Variants in PCDHA7 observed in about 807,000 individuals in gnomAD.
PCDHA7 encodes the protein protocadherin alpha 7, also known as protocadherin alpha-7.
PCDHA7 carries 37 observed loss-of-function variants against 57.2 expected under a neutral mutation model. That is an observed-to-expected ratio of 0.65 (90% CI 0.50 to 0.85). The LOEUF (loss-of-function observed/expected upper bound fraction) is 0.85. Among genes scored for constraint, PCDHA7 ranks in the 40% least tolerant of loss-of-function variants. The pLI, the probability that PCDHA7 is intolerant of heterozygous loss-of-function variation, is 0.00. For synonymous variants in PCDHA7, 553 were observed against 558.8 expected (o/e 0.99, Z 0.15); for missense variants, 1,188 against 1,241.8 (o/e 0.96, Z 0.65).
At position 140,937,140 on chromosome 5, in the gene PCDHA7, C is replaced by T. The variant is rs553273845; in HGVS notation, c.2356-41809C>T. Among the ~76,000 whole-genome samples, 820 of 151,358 alleles carry T rather than the reference C, an allele frequency of 5.4e-3. 1 individual carries two copies. The highest frequency in any genetic ancestry group is 0.019 in the African/African-American group (789 of 41,228). On this transcript the variant is annotated intron_variant, in intron 1 of 3. Transcript: ENST00000525929. Reference sequence around the variant, plus strand: ...GCAAGCTCCGCCTCCCGGGTTCATGCCATTCTCCTGCCTCAGCCTCCCGAG... The same window carrying T: ...GCAAGCTCCGCCTCCCGGGTTCATGTCATTCTCCTGCCTCAGCCTCCCGAG...
At position 140,858,257 on chromosome 5, in the gene PCDHA7, C is replaced by G; in HGVS notation, c.2355+21519C>G. ...CGCATGTGGGCCGGTGAAGCCCACGCTGGTGTGCTCTAGCGCGGTGGGGAG... is the reference window on the plus strand; with the variant it reads ...CGCATGTGGGCCGGTGAAGCCCACGGTGGTGTGCTCTAGCGCGGTGGGGAG... On this transcript the variant is annotated intron_variant, in intron 1 of 3. Transcript: ENST00000525929. 2 of 1,596,668 alleles carry G rather than the reference C, an allele frequency of 1.3e-6. 1 individual carries two copies. Among genetic ancestry groups the G allele is most frequent in the Non-Finnish European group, 1.7e-6 (2 of 1,166,542 alleles).
intron 1 of PCDHA7, chr5:140,878,013 G>A (rs1554170262): frequency 2.4e-6 from 2 of 839,000 alleles, no homozygotes; most frequent in South Asian, 2.6e-5. Context: ...TAACATTAAT[G>A]AAGGAAATAT....
chr5:140,913,462 G>A (rs1300773586), intron 1 of PCDHA7, among the ~76,000 whole-genome samples: 1 of 151,764 alleles, frequency 6.6e-6, no homozygotes, highest in African/African-American at 2.4e-5. Context: ...TTATTTACTT[G>A]GGTCTTCTCT....
At chr5:140,876,449 G>T (rs1396307044) in intron 1 of PCDHA7, 1 of 1,613,880 alleles carries the variant, frequency 6.2e-7, no homozygotes, top group Non-Finnish European at 8.5e-7. Context: ...ATTGATAAAG[G>T]GATTCCTTCC....
chr5:140,876,092 A>C, intron 1 of PCDHA7: 2 of 1,613,948 alleles, frequency 1.2e-6, no homozygotes, highest in Non-Finnish European at 1.7e-6. Context: ...CAAACGCCAA[A>C]ACTCAATTTA....
intron 1 of PCDHA7, chr5:140,927,472 G>A (rs201932518): frequency 1.6e-4 from 264 of 1,614,094 alleles, no homozygotes; most frequent in Non-Finnish European, 2.0e-4. Context: ...ACTGGATCGC[G>A]AACAGCGCGC....
chr5:140,876,992 A>T (rs1222630901), intron 1 of PCDHA7: 1 of 1,612,438 alleles, frequency 6.2e-7, no homozygotes, highest in Non-Finnish European at 8.5e-7. Flanking sequence ...CTGTCGAGCT[A>T]CGTGTCGGTG....
chr5:140,869,346 T>C (rs781810947), intron 1 of PCDHA7: 4 of 1,614,054 alleles, frequency 2.5e-6, no homozygotes, highest in Non-Finnish European at 2.5e-6. Context: ...ATCTGCAGAA[T>C]GGCATTTTGT....
intron 1 of PCDHA7, among the ~76,000 whole-genome samples, chr5:140,938,975 C>T (rs1249900927): frequency 6.6e-6 from 1 of 152,188 alleles, no homozygotes; most frequent in African/African-American, 2.4e-5. Flanking sequence ...GGCATCAAGG[C>T]TATCCTGGCT....
chr5:140,962,557 C>A (rs1554226125), intron 1 of PCDHA7, among the ~76,000 whole-genome samples: 2 of 152,112 alleles, frequency 1.3e-5, no homozygotes, highest in Admixed American at 6.6e-5. Flanking sequence ...AGGATCTCCC[C>A]CTAAAAGCCA....
At chr5:140,848,867 G>A in intron 1 of PCDHA7, 1 of 1,590,766 alleles carries the variant, frequency 6.3e-7, no homozygotes, top group Non-Finnish European at 8.6e-7. Context: ...TGGAGGTGAA[G>A]GACATTAACG....
At position 140,851,623 on chromosome 5, in the gene PCDHA7, TA is replaced by T. The variant is rs1286415417; in HGVS notation, c.2355+14888del. 3.6e-5 allele frequency: 33 copies of T among 920,270 alleles called. 3 individuals carry two copies. Among genetic ancestry groups the T allele is most frequent in the Non-Finnish European group, 3.8e-5 (29 of 756,686 alleles). The allele number at this position is 920,270 out of a possible 1,614,324, so 57.0% of individuals were successfully genotyped here. On this transcript the variant is annotated intron_variant, in intron 1 of 3. Transcript: ENST00000525929. ...TACAGAAATTGGAGAAAATGCTTTT[TA>T]AACAAGTGTTTCCTTTCTTCAAGAA... is the stretch of plus-strand genomic sequence containing the variant.
intron 3 of PCDHA7, among the ~76,000 whole-genome samples, chr5:140,996,928 G>A (rs114173550): frequency 6.6e-6 from 1 of 152,032 alleles, no homozygotes; most frequent in African/African-American, 2.4e-5. Flanking sequence ...AAAAAATATA[G>A]CATTTTTGCA....
chr5:140,914,957 T>C (rs1355119889), intron 1 of PCDHA7, among the ~76,000 whole-genome samples: 1 of 150,770 alleles, frequency 6.6e-6, no homozygotes, highest in Non-Finnish European at 1.5e-5. Flanking sequence ...TTTTTTTTTT[T>C]TTTTTCTGAG....
rs371795952 is a variant in PCDHA7 at position 140,857,797 on chromosome 5, G to T, written c.2355+21059G>T. ...CAGTCAGTGAGCTGGTGCTGCGGTC[G>T]GTGGTTGCGGGTCACGTGGTGGCTA... On this transcript the variant is annotated intron_variant, in intron 1 of 3. Transcript: ENST00000525929. 12 of 1,597,706 alleles carry T rather than the reference G, an allele frequency of 7.5e-6. 1 individual carries two copies. In the East Asian group the frequency reaches 1.6e-4, roughly 21 times the overall value.
chr5:141,010,030 C>CTAG lies in PCDHA7; in HGVS notation c.*93_*94insTAG. The stretch of plus-strand genomic sequence containing the variant: ...ATTCCCTGCTCCTTTTTCCTATCTA[C>CTAG]ATGAGCCCTCTTAGAGACCTCAGAA... On this transcript the variant is annotated 3_prime_UTR_variant, in exon 4 of 4. Coordinates refer to ENST00000525929, the MANE Select transcript of PCDHA7 (RefSeq NM_018910.3). 1 of 1,580,910 alleles carries CTAG rather than the reference C, an allele frequency of 6.3e-7. No homozygotes were observed. Among genetic ancestry groups the CTAG allele is most frequent in the Admixed American group, 1.8e-5 (1 of 54,776 alleles).
chr5:140,994,667 T>G (rs2097644091), intron 3 of PCDHA7, among the ~76,000 whole-genome samples: 1 of 152,140 alleles, frequency 6.6e-6, no homozygotes, highest in Non-Finnish European at 1.5e-5. Flanking sequence ...ATCACACTAC[T>G]GCACTCCAGC....
intron 1 of PCDHA7, chr5:140,842,708 T>A: frequency 6.3e-7 from 1 of 1,595,132 alleles, no homozygotes. Flanking sequence ...GTACACGGTG[T>A]TCGTGAAGGA....
intron 2 of PCDHA7, 158 bp downstream of exon 2, chr5:140,979,165 A>G (rs1586797430): frequency 1.0e-6 from 1 of 970,900 alleles, no homozygotes; most frequent in South Asian, 4.8e-5. Flanking sequence ...TTATTCCTTG[A>G]AAGATCGCAA....
Sources: allele counts gnomAD v4.1 joint callset (sites outside exome capture counted in the v4.1 genomes callset), GRCh38; gene constraint gnomAD v4.1.1; transcripts MANE v1.5; gene names NCBI Gene and HGNC (gene_info 2026-07-23, HGNC 2026-07-21).